The following KHDRBS3 variants were observed in gnomAD, a reference collection of about 807,000 sequenced individuals.
KHDRBS3 encodes the protein KH domain-containing, RNA-binding, signal transduction-associated protein 3.
A neutral mutation model predicts 45.6 loss-of-function variants in KHDRBS3; 23 were observed. That is an observed-to-expected ratio of 0.50 (90% CI 0.36 to 0.72). The LOEUF (loss-of-function observed/expected upper bound fraction) is 0.72. Among genes scored for constraint, KHDRBS3 ranks in the 30% least tolerant of loss-of-function variants. The pLI, the probability that KHDRBS3 is intolerant of heterozygous loss-of-function variation, is 0.00. For missense variants in KHDRBS3, 352 were observed against 424.8 expected (o/e 0.83, Z 1.51); for synonymous variants, 162 against 156.5 (o/e 1.04, Z -0.26).
intron 1 of KHDRBS3, among the ~76,000 whole-genome samples, chr8:135,465,016 C>T (rs1488226855): frequency 6.6e-6 from 1 of 152,170 alleles, no homozygotes; most frequent in Non-Finnish European, 1.5e-5. Context: ...GTGAGCAGGG[C>T]AGTTGCGTAC....
chr8:135,646,786 C>T (rs1266037669), intron 8 of KHDRBS3, among the ~76,000 whole-genome samples: 6 of 152,124 alleles, frequency 3.9e-5, no homozygotes, highest in East Asian at 1.9e-4. Flanking sequence ...CCCACGCTGA[C>T]GAATTTTGCG....
chr8:135,538,859 ATTAG>A (rs1363858693), intron 2 of KHDRBS3: 1 of 152,212 alleles, frequency 6.6e-6, no homozygotes, highest in Non-Finnish European at 1.5e-5. Context: ...CAGTCCATCT[ATTAG>A]TTAGGCCTTT....
chr8:135,465,352 G>T (rs936955038), intron 1 of KHDRBS3, among the ~76,000 whole-genome samples: 1 of 152,176 alleles, frequency 6.6e-6, no homozygotes, highest in African/African-American at 2.4e-5. Context: ...ATAAAATGTT[G>T]TAAGACAGAT....
At chr8:135,605,513 CTTTG>C (rs1265590236) in intron 6 of KHDRBS3, among the ~76,000 whole-genome samples, 2 of 151,920 alleles carry the variant, frequency 1.3e-5, no homozygotes, top group African/African-American at 4.8e-5. Context: ...TATTAATATT[CTTTG>C]TTTGATGAGA....
intron 8 of KHDRBS3, among the ~76,000 whole-genome samples, chr8:135,645,499 C>T (rs1156299977): frequency 1.3e-5 from 2 of 152,164 alleles, no homozygotes; most frequent in Non-Finnish European, 2.9e-5. Context: ...AGTGATTCTC[C>T]CACCTTCATC....
intron 4 of KHDRBS3, among the ~76,000 whole-genome samples, chr8:135,653,796 G>A (rs186552917): frequency 6.6e-6 from 1 of 152,318 alleles, no homozygotes; most frequent in Non-Finnish European, 1.5e-5. Flanking sequence ...GGTTTATGAG[G>A]ACATAACCCC....
intron 2 of KHDRBS3, chr8:135,541,043 G>T (rs11166600): frequency 6.6e-6 from 1 of 152,104 alleles, no homozygotes; most frequent in South Asian, 2.1e-4. Flanking sequence ...TCCACAAAGT[G>T]TAACAAAACA....
rs915519863 is a variant in KHDRBS3, at chr8:135,647,210, C to A, written c.*126C>A. The A allele has an allele frequency of 1.7e-4, 53 of 318,298 alleles. No individual in the cohort carries two copies. The highest frequency in any genetic ancestry group is 4.6e-4 in the Admixed American group (8 of 17,564). 19.7% of individuals were successfully genotyped at this position (318,298 alleles called of 1,614,324 possible). A position where few individuals can be genotyped will look rare whatever the true frequency, so the allele number is the denominator to read the frequency against. On this transcript the variant is annotated 3_prime_UTR_variant, in exon 9 of 9. Transcript: ENST00000355849. ...ATGCTTAAAATCTGAATGGATGGAA[C>A]TTAAAACTACTTTGTTGAAACATCA... is the stretch of plus-strand genomic sequence containing the variant.
intron 1 of KHDRBS3, among the ~76,000 whole-genome samples, chr8:135,514,029 G>A (rs982749043): frequency 1.3e-5 from 2 of 152,154 alleles, no homozygotes; most frequent in African/African-American, 4.8e-5. Flanking sequence ...TCCTTCAGCC[G>A]TTCCTTTAAG....
intron 1 of KHDRBS3, among the ~76,000 whole-genome samples, chr8:135,493,965 T>G (rs1194587688): frequency 6.6e-6 from 1 of 152,144 alleles, no homozygotes; most frequent in Non-Finnish European, 1.5e-5. Flanking sequence ...TGCTATCTTT[T>G]CCTTTTTGAG....
At chr8:135,508,275 G>A (rs1386033472) in intron 1 of KHDRBS3, among the ~76,000 whole-genome samples, 2 of 152,092 alleles carry the variant, frequency 1.3e-5, no homozygotes, top group African/African-American at 2.4e-5. Context: ...TAAGGTGCTT[G>A]TATTATATGG....
chr8:135,565,747 G>T (rs746647545), intron 5 of KHDRBS3, among the ~76,000 whole-genome samples: 37 of 152,132 alleles, frequency 2.4e-4, no homozygotes, highest in Admixed American at 6.5e-5. Flanking sequence ...TTTGGCCTGT[G>T]ATTCTTCAAG....
chr8:135,603,124 A>G (rs565721538), intron 6 of KHDRBS3, among the ~76,000 whole-genome samples: 21 of 152,322 alleles, frequency 1.4e-4, no homozygotes, highest in Middle Eastern at 3.4e-3. Flanking sequence ...GGGCTGGTCC[A>G]TCCCACCTCA....
At chr8:135,563,505 G>A (rs188059015) in intron 5 of KHDRBS3, among the ~76,000 whole-genome samples, 216 of 152,284 alleles carry the variant, frequency 1.4e-3, no homozygotes, top group African/African-American at 4.8e-3. Flanking sequence ...AGTATCATTG[G>A]TCAAGCCAAT....
chr8:135,501,261 A>G (rs905305402), intron 1 of KHDRBS3, among the ~76,000 whole-genome samples: 1 of 152,250 alleles, frequency 6.6e-6, no homozygotes, highest in African/African-American at 2.4e-5. Context: ...ATGTTTTCTT[A>G]GAATTTAAGG....
At chr8:135,642,815 A>G (rs185277952) in intron 7 of KHDRBS3, among the ~76,000 whole-genome samples, 120 of 144,022 alleles carry the variant, frequency 8.3e-4, no homozygotes, top group East Asian at 6.7e-3. Context: ...TTTTTCTGTG[A>G]TGGAGTCTCG....
intron 5 of KHDRBS3, among the ~76,000 whole-genome samples, chr8:135,569,531 G>C (rs911757164): frequency 3.3e-5 from 5 of 152,192 alleles, no homozygotes; most frequent in African/African-American, 1.2e-4. Context: ...AAACTAACTT[G>C]AGAGTTAGTA....
intron 3 of KHDRBS3, among the ~76,000 whole-genome samples, chr8:135,544,539 G>A (rs1479373377): frequency 3.3e-5 from 5 of 152,172 alleles, no homozygotes; most frequent in African/African-American, 9.6e-5. Flanking sequence ...GAGGGGAGTC[G>A]GTGTTATGAA....
At chr8:135,564,930 T>C (rs1229451721) in intron 5 of KHDRBS3, among the ~76,000 whole-genome samples, 2 of 151,966 alleles carry the variant, frequency 1.3e-5, no homozygotes, top group East Asian at 1.9e-4. Flanking sequence ...GAGGTGAGGG[T>C]TGATGGGAAG....
Sources: allele counts gnomAD v4.1 joint callset (sites outside exome capture counted in the v4.1 genomes callset), GRCh38; gene constraint gnomAD v4.1.1; transcripts MANE v1.5; gene names NCBI Gene and HGNC (gene_info 2026-07-23, HGNC 2026-07-21).